The following MIA2 variants were observed in gnomAD, a reference collection of about 807,000 sequenced individuals.
MIA2 encodes MIA SH3 domain ER export factor 2.
Under a neutral mutation model 167.8 loss-of-function variants are expected in MIA2, and 127 were observed. The ratio of observed to expected loss-of-function variants is 0.76; its 90% CI spans 0.66 to 0.88. MIA2 has a LOEUF of 0.88. Among genes scored for constraint, MIA2 ranks in the 40% least tolerant of loss-of-function variants. The probability of loss-of-function intolerance (pLI) is 0.00; values close to 1 mark genes in which losing one functional copy is unlikely to be tolerated. For missense variants in MIA2, 1,690 were observed against 1,624.7 expected, an observed-to-expected ratio of 1.04 and a Z score of -0.69; for synonymous variants, 552 against 541.9, an observed-to-expected ratio of 1.02 and a Z score of -0.26.
At chr14:39,310,055 AT>A (rs1347123736) in intron 18 of MIA2, among the ~76,000 whole-genome samples, 5 of 151,810 alleles carry the variant, frequency 3.3e-5, no homozygotes, top group African/African-American at 4.8e-5. Flanking sequence ...TAGAATCTGT[AT>A]TTGTGAATTG....
At chr14:39,373,321 AAAG>A (rs1252853765) in intron 23 of MIA2, among the ~76,000 whole-genome samples, 1 of 151,842 alleles carries the variant, frequency 6.6e-6, no homozygotes, top group Non-Finnish European at 1.5e-5. Context: ...AAAAAAAAAA[AAAG>A]CATGCCACTG....
intron 2 of MIA2, 42 bp from the exon 3 acceptor site, chr14:39,240,519 T>A (rs1302669289): frequency 5.4e-6 from 8 of 1,473,588 alleles, no homozygotes; most frequent in Admixed American, 3.4e-5. Context: ...ATTATTGCTT[T>A]GATCATTCTT....
Position 39,308,518 on chromosome 14 carries a change from A to G in MIA2, c.2948A>G (p.Asn983Ser), listed in dbSNP as rs17109109. Residue 983 changes from asparagine to serine, a missense_variant, in exon 18 of 29, where the codon AAT (asparagine) becomes AGT (serine). Coordinates refer to ENST00000640607, the MANE Select transcript of MIA2 (RefSeq NM_001329214.4). Reference protein sequence around the residue: ...QSENTHFENENQKLQQKLKVM... With the variant: ...QSENTHFENESQKLQQKLKVM... The stretch of plus-strand genomic sequence containing the variant: ...GAAAACACACATTTTGAAAATGAGA[A>G]TCAGAAGCTTCAACAGAAACTTAAA... The G allele has an allele frequency of 1.7e-3, 2,741 of 1,581,570 alleles. 40 individuals are homozygous for G. In the African/African-American group the frequency reaches 0.034, roughly 20 times the overall value.
intron 9 of MIA2, among the ~76,000 whole-genome samples, chr14:39,289,508 C>T (rs968073350): frequency 6.6e-6 from 1 of 152,170 alleles, no homozygotes; most frequent in Non-Finnish European, 1.5e-5. Context: ...CCACTGCGCC[C>T]ATCCAAGGTA....
intron 2 of MIA2, among the ~76,000 whole-genome samples, chr14:39,238,591 T>C (rs1489551210): frequency 6.6e-6 from 1 of 151,758 alleles, no homozygotes; most frequent in African/African-American, 2.4e-5. Context: ...GGCCAGGAGT[T>C]TGAGACCAGC....
intron 23 of MIA2, among the ~76,000 whole-genome samples, chr14:39,381,517 T>A (rs2075160800): frequency 6.6e-6 from 1 of 152,156 alleles, no homozygotes; most frequent in South Asian, 2.1e-4. Flanking sequence ...TAAGGACCAA[T>A]CCCAGCTGTC....
At chr14:39,315,383 G>T in intron 20 of MIA2, 1 of 246,724 alleles carries the variant, frequency 4.1e-6, no homozygotes, top group Non-Finnish European at 7.6e-6. Flanking sequence ...ACATAAATGT[G>T]TATCAACAGT....
chr14:39,374,130 G>C (rs1333845133), intron 23 of MIA2, among the ~76,000 whole-genome samples: 1 of 152,238 alleles, frequency 6.6e-6, no homozygotes, highest in Middle Eastern at 3.2e-3. Context: ...AGTCCAATAT[G>C]AGCCTTGTAG....
In MIA2 at chr14:39,302,239, T is replaced by A. The variant is rs574624663; in HGVS notation, c.2730T>A (p.Gly910=). The A allele has an allele frequency of 1.2e-6, 2 of 1,613,754 alleles. No homozygotes were observed. Among genetic ancestry groups the A allele is most frequent in the Admixed American group, 3.3e-5 (2 of 60,016 alleles). The change falls in exon 15 of 29, where the codon GGT becomes GGA. Residue 910 remains glycine (G), a synonymous_variant. Coordinates refer to ENST00000640607, the MANE Select transcript of MIA2 (RefSeq NM_001329214.4). ...ELEMNSESEN[G]AYLDNPPKGA... Reference sequence around the variant, plus strand: ...AAATGAACAGTGAATCGGAAAATGGTGCTTACTTAGGTATTAAGTCATGAC... The same window carrying A: ...AAATGAACAGTGAATCGGAAAATGGAGCTTACTTAGGTATTAAGTCATGAC...
At chr14:39,262,730 C>T (rs1045217825) in intron 6 of MIA2, among the ~76,000 whole-genome samples, 4 of 152,220 alleles carry the variant, frequency 2.6e-5, no homozygotes, top group African/African-American at 9.7e-5. Flanking sequence ...AGGTCCTTCA[C>T]ATCCCTTGTA....
Position 39,348,903 on chromosome 14 carries a change from G to T in MIA2, c.3998G>T (p.Gly1333Val). The T allele has an allele frequency of 6.2e-7, 1 of 1,614,042 alleles. No individual in the cohort carries two copies. The highest frequency in any genetic ancestry group is 8.5e-7 in the Non-Finnish European group (1 of 1,179,998). The change falls in exon 28 of 29, where the codon GGA becomes GTA. Residue 1333 changes from glycine (G) to valine (V), a missense_variant. Coordinates refer to ENST00000640607, the MANE Select transcript of MIA2 (RefSeq NM_001329214.4). ...CCTCCTTTCCCCCCACCTCCTCCAG[G>T]AGCCATGTTTGGAGCTTCTCGAGAT... ...RGPPFPPPPP[G>V]AMFGASRDYF...
chr14:39,328,791 T>C (rs1378272234), intron 25 of MIA2, among the ~76,000 whole-genome samples: 1 of 152,304 alleles, frequency 6.6e-6, no homozygotes, highest in Admixed American at 6.5e-5. Context: ...TGTTGTGTTA[T>C]TTCTGAGGCC....
At chr14:39,333,934 C>T (rs1434415296) in intron 25 of MIA2, among the ~76,000 whole-genome samples, 5 of 152,124 alleles carry the variant, frequency 3.3e-5, no homozygotes, top group African/African-American at 1.2e-4. Context: ...TGTGGTTTGA[C>T]AGAGGGCCAA....
chr14:39,252,077 T>A (rs77081702), intron 4 of MIA2, among the ~76,000 whole-genome samples: 1 of 28,722 alleles, frequency 3.5e-5, no homozygotes, highest in African/African-American at 4.2e-4. Context: ...AAAGGCACGT[T>A]AGAGAATAGA....
chr14:39,343,946 C>G (rs552235015), intron 25 of MIA2, among the ~76,000 whole-genome samples: 1 of 152,266 alleles, frequency 6.6e-6, no homozygotes, highest in Non-Finnish European at 1.5e-5. Flanking sequence ...ATTTCTGATT[C>G]CTGCAATCAG....
intron 18 of MIA2, among the ~76,000 whole-genome samples, chr14:39,312,572 C>A (rs2064514274): frequency 6.6e-6 from 1 of 151,950 alleles, no homozygotes; most frequent in Admixed American, 6.6e-5. Flanking sequence ...CTTGGGTGAC[C>A]AAGATATATT....
At chr14:39,242,767 T>C (rs73275091) in intron 3 of MIA2, among the ~76,000 whole-genome samples, 2,624 of 152,228 alleles carry the variant, frequency 0.017, 81 homozygotes, top group African/African-American at 0.059. Flanking sequence ...AGATGAATCT[T>C]TGCATCCAAG....
Position 39,321,029 on chromosome 14 carries a change from C to A in MIA2, c.3469C>A (p.Pro1157Thr). The A allele has an allele frequency of 6.2e-7, 1 of 1,613,286 alleles. No individual in the cohort carries two copies. Among genetic ancestry groups the A allele is most frequent in the South Asian group, 1.1e-5 (1 of 90,958 alleles). Residue 1157 changes from proline (P) to threonine (T), a missense_variant, in exon 24 of 29, where the codon CCT (proline) becomes ACT (threonine). By Grantham distance (38) the Pro-to-Thr change is conservative (BLOSUM62 -1). Coordinates refer to ENST00000640607, the MANE Select transcript of MIA2 (RefSeq NM_001329214.4). ...GTTGGAGGGTCCACTCAGACTCTCA[C>A]CTTTGCTTCCAGGGGGAGGAGGAAG... ...TLLEGPLRLS[P>T]LLPGGGGRGS...
rs2152886413 is a variant in MIA2 at position 39,302,089 on chromosome 14, G to T, written c.2620-40G>T. 3.1e-6 allele frequency: 5 copies of T among 1,602,702 alleles called. No individual in the cohort carries two copies. In the South Asian group the frequency reaches 4.5e-5, roughly 14 times the overall value. On this transcript the variant is annotated intron_variant, in intron 14 of 28. Coordinates refer to ENST00000640607, the MANE Select transcript of MIA2 (RefSeq NM_001329214.4). The stretch of plus-strand genomic sequence containing the variant: ...CAAGTTGTAAAGCTGTTAGCATAAG[G>T]CATTACCCTCTCTATTTTTCCCCTT...
Sources: allele counts gnomAD v4.1 joint callset (sites outside exome capture counted in the v4.1 genomes callset), GRCh38; gene constraint gnomAD v4.1.1; transcripts MANE v1.5; gene names NCBI Gene and HGNC (gene_info 2026-07-23, HGNC 2026-07-21).